Variants in MICU1 observed in about 807,000 individuals in gnomAD.
MICU1 encodes calcium uptake protein 1, mitochondrial.
A neutral mutation model predicts 56.8 loss-of-function variants in MICU1; 45 were observed. The ratio of observed to expected loss-of-function variants is 0.79; its 90% confidence interval spans 0.62 to 1.02. The LOEUF (loss-of-function observed/expected upper bound fraction) is 1.02. MICU1 is among the 50% of genes least tolerant of loss of function. MICU1 has a pLI of 0.00. For missense variants in MICU1, 504 were observed against 587.1 expected, an observed-to-expected ratio of 0.86 and a Z score of 1.46; for synonymous variants, 186 against 195.1, an observed-to-expected ratio of 0.95 and a Z score of 0.39.
intron 3 of MICU1, among the ~76,000 whole-genome samples, chr10:72,551,979 C>A (rs1840046244): frequency 6.6e-6 from 1 of 152,104 alleles, no homozygotes; most frequent in African/African-American, 2.4e-5. Context: ...ACAGTTTCTA[C>A]TTCTATGTAA....
chr10:72,397,294 G>T (rs1863300093), intron 10 of MICU1, among the ~76,000 whole-genome samples: 1 of 152,120 alleles, frequency 6.6e-6, no homozygotes, highest in South Asian at 2.1e-4. Context: ...ACTAAACATG[G>T]AAAGAAACAA....
In MICU1 at chr10:72,569,720, C is replaced by T. The variant is rs899147880; in HGVS notation, c.-1-2926G>A. On this transcript the variant is annotated intron_variant, in intron 1 of 11. Coordinates refer to ENST00000361114, the MANE Select transcript of MICU1 (RefSeq NM_001195518.2). ...CACCCCCAAAACCATAGGATCATTT[C>T]GGGCACCTCCATCCAGAGAATTAAT... 7.9e-5 allele frequency among the ~76,000 whole-genome samples: 12 copies of T among 152,026 alleles called. 1 individual carries two copies. The highest frequency in any genetic ancestry group is 2.2e-4 in the African/African-American group (9 of 41,410).
intron 8 of MICU1, among the ~76,000 whole-genome samples, chr10:72,467,147 T>C (rs749394390): frequency 3.3e-5 from 5 of 151,986 alleles, no homozygotes; most frequent in Non-Finnish European, 5.9e-5. Flanking sequence ...TACAGGAGTA[T>C]GCCACCACGT....
intron 5 of MICU1, among the ~76,000 whole-genome samples, chr10:72,513,976 C>T (rs1157100287): frequency 6.6e-6 from 1 of 151,878 alleles, no homozygotes; most frequent in East Asian, 1.9e-4. Context: ...CAAAATTTAC[C>T]ACTATAAACA....
chr10:72,512,097 G>GTTTTTTT (rs1867471926), intron 5 of MICU1, among the ~76,000 whole-genome samples: 1 of 100,688 alleles, frequency 9.9e-6, no homozygotes, highest in African/African-American at 4.2e-5. Flanking sequence ...TCCATACACA[G>GTTTTTTT]TTGTTTTTTG....
intron 9 of MICU1, among the ~76,000 whole-genome samples, chr10:72,416,270 T>C (rs1019346323): frequency 1.3e-5 from 2 of 152,152 alleles, no homozygotes; most frequent in Admixed American, 1.3e-4. Context: ...TTAGTACTCC[T>C]TTGGGGGAAG....
At position 72,418,896 on chromosome 10, in the gene MICU1, G is replaced by A. The variant is rs548554448; in HGVS notation, c.1071+4338C>T. ...TGTTCACAAACTATTTAATCAACAT[G>A]AGAGGACAATCAATCTTAATCTCGT... On this transcript the variant is annotated intron_variant, in intron 9 of 11. Coordinates refer to ENST00000361114, the MANE Select transcript of MICU1 (RefSeq NM_001195518.2). Among the ~76,000 whole-genome samples the A allele has an allele frequency of 1.3e-5, 2 of 152,312 alleles. 1 individual carries two copies. Among genetic ancestry groups the A allele is most frequent in the South Asian group, 4.1e-4 (2 of 4,830 alleles).
At chr10:72,606,602 T>C (rs1841699020) in intron 1 of MICU1, among the ~76,000 whole-genome samples, 1 of 151,946 alleles carries the variant, frequency 6.6e-6, no homozygotes, top group Admixed American at 6.6e-5. Context: ...ATAAGAAATA[T>C]ATATATATAT....
chr10:72,598,896 C>CT (rs928883489), intron 1 of MICU1, among the ~76,000 whole-genome samples: 6 of 151,824 alleles, frequency 4.0e-5, no homozygotes, highest in Admixed American at 1.3e-4. Context: ...TTCCCTTTTT[C>CT]TTTTTTTTCC....
chr10:72,527,720 G>A (rs1017315035), intron 5 of MICU1, among the ~76,000 whole-genome samples: 5 of 152,126 alleles, frequency 3.3e-5, no homozygotes, highest in Non-Finnish European at 5.9e-5. Context: ...CACTAAATGA[G>A]TAATTATGTA....
At chr10:72,417,114 T>G (rs764844709) in intron 9 of MICU1, among the ~76,000 whole-genome samples, 12 of 152,194 alleles carry the variant, frequency 7.9e-5, no homozygotes, top group Non-Finnish European at 1.5e-4. Flanking sequence ...CAGAGTTCTT[T>G]GCATACATAT....
intron 8 of MICU1, among the ~76,000 whole-genome samples, chr10:72,461,286 C>T (rs911124580): frequency 6.6e-6 from 1 of 152,122 alleles, no homozygotes; most frequent in Non-Finnish European, 1.5e-5. Context: ...CAGAGTTTAC[C>T]GAGTGCTCTA....
intron 5 of MICU1, among the ~76,000 whole-genome samples, chr10:72,527,998 A>C (rs997200755): frequency 6.6e-6 from 1 of 151,956 alleles, no homozygotes; most frequent in Non-Finnish European, 1.5e-5. Flanking sequence ...GCTAATTTTT[A>C]GATTTTTAGT....
chr10:72,506,827 G>C (rs537763619), intron 6 of MICU1, among the ~76,000 whole-genome samples: 16 of 152,280 alleles, frequency 1.1e-4, no homozygotes, highest in South Asian at 6.2e-4. Context: ...AGTACATTAT[G>C]ATCTTAAGTT....
intron 5 of MICU1, chr10:72,509,537 T>C (rs1867372303): frequency 1.6e-6 from 1 of 634,480 alleles, no homozygotes; most frequent in South Asian, 1.5e-5. Flanking sequence ...TAGCCTCTAC[T>C]AGATATTTAC....
At chr10:72,521,119 A>C (rs903315764) in intron 5 of MICU1, among the ~76,000 whole-genome samples, 1 of 152,132 alleles carries the variant, frequency 6.6e-6, no homozygotes, top group Non-Finnish European at 1.5e-5. Context: ...AAACAATCTC[A>C]AGTAAAAATC....
At chr10:72,370,769 G>C (rs1317188429) in intron 11 of MICU1, among the ~76,000 whole-genome samples, 1 of 152,152 alleles carries the variant, frequency 6.6e-6, no homozygotes, top group Non-Finnish European at 1.5e-5. Flanking sequence ...AGTGAGTCAC[G>C]CTTGTAATCA....
At chr10:72,389,381 G>C (rs1158543494) in intron 10 of MICU1, among the ~76,000 whole-genome samples, 1 of 152,192 alleles carries the variant, frequency 6.6e-6, no homozygotes, top group Non-Finnish European at 1.5e-5. Context: ...AGAGACAAAA[G>C]AAACTGAGAC....
chr10:72,609,998 G>A (rs1049882340), intron 1 of MICU1, among the ~76,000 whole-genome samples: 2 of 151,594 alleles, frequency 1.3e-5, no homozygotes, highest in Non-Finnish European at 2.9e-5. Context: ...TGGCACCACT[G>A]CACTCCAAGC....
Sources: allele counts gnomAD v4.1 joint callset (sites outside exome capture counted in the v4.1 genomes callset), GRCh38; gene constraint gnomAD v4.1.1; transcripts MANE v1.5; gene names NCBI Gene and HGNC (gene_info 2026-07-23, HGNC 2026-07-21).